The following TRIM59 variants were observed in gnomAD, a reference collection of about 807,000 sequenced individuals.
TRIM59 encodes the protein tripartite motif containing 59, also known as tripartite motif-containing protein 59.
A neutral mutation model predicts 32.2 loss-of-function variants in TRIM59; 14 were observed. The ratio of observed to expected loss-of-function variants is 0.43; its 90% CI spans 0.29 to 0.68. TRIM59 has a LOEUF of 0.68. TRIM59 is among the 30% of genes least tolerant of loss of function. The probability of loss-of-function intolerance (pLI) is 0.15; values close to 1 mark genes in which losing one functional copy is unlikely to be tolerated. For missense variants in TRIM59, 471 were observed against 463.3 expected, an observed-to-expected ratio of 1.02 and a Z score of -0.15; for synonymous variants, 163 against 155.1, an observed-to-expected ratio of 1.05 and a Z score of -0.38.
chr3:160,440,631 G>A (rs138487956), intron 2 of TRIM59, among the ~76,000 whole-genome samples: 2 of 152,128 alleles, frequency 1.3e-5, no homozygotes, highest in Non-Finnish European at 2.9e-5. Flanking sequence ...AAGTGCCATG[G>A]CCAGGCGCAG....
chr3:160,437,758 T>C lies in TRIM59; in HGVS notation c.*214A>G. 8.2e-7 allele frequency: 1 copy of C among 1,218,714 alleles called. No individual in the cohort carries two copies. Among genetic ancestry groups the C allele is most frequent in the Non-Finnish European group, 1.0e-6 (1 of 980,034 alleles). 75.5% of individuals were successfully genotyped at this position (1,218,714 alleles called of 1,614,324 possible). On this transcript the variant is annotated 3_prime_UTR_variant, in exon 3 of 3. Transcript: ENST00000309784. ...TAAAAATGGGATAGTGTATTACTTTTCAAATTGTTACTAGATTCTGTTTCC... is the reference window on the plus strand; with the variant it reads ...TAAAAATGGGATAGTGTATTACTTTCCAAATTGTTACTAGATTCTGTTTCC...
Position 160,438,699 on chromosome 3 carries a change from T to C in TRIM59, c.485A>G (p.His162Arg), listed in dbSNP as rs1418016339. 3.7e-6 allele frequency: 6 copies of C among 1,613,474 alleles called. No individual in the cohort carries two copies. Among genetic ancestry groups the C allele is most frequent in the Non-Finnish European group, 5.1e-6 (6 of 1,179,852 alleles). ...LTDTHWTDLTHLIEKLKEQKS... is the reference protein window; with the variant it reads ...LTDTHWTDLTRLIEKLKEQKS... ...TTGTTCTTTCAGCTTTTCAATAAGA[T>C]GGGTAAGATCTGTCCAGTGTGTGTC... Residue 162 changes from histidine (H) to arginine (R), a missense_variant, in exon 3 of 3, where the codon CAT becomes CGT. By Grantham distance (29) the His-to-Arg change is conservative (BLOSUM62 0). Coordinates refer to ENST00000309784, the MANE Select transcript of TRIM59 (RefSeq NM_173084.3).
In TRIM59 at chr3:160,443,340, C is replaced by T. The variant is rs566349866; in HGVS notation, c.-3-4154G>A. On this transcript the variant is annotated intron_variant, in intron 2 of 2. Coordinates refer to ENST00000309784, the MANE Select transcript of TRIM59 (RefSeq NM_173084.3). ...CCAAACAGTAAAAACATCAGTAACA[C>T]TGGAAACAATAAGACAATGGAGTAA... 2.6e-5 allele frequency among the ~76,000 whole-genome samples: 4 copies of T among 152,076 alleles called. No homozygotes were observed. In the East Asian group the frequency reaches 7.7e-4, roughly 29 times the overall value.
Position 160,437,727 on chromosome 3 carries a change from A to C in TRIM59, c.*245T>G, listed in dbSNP as rs918172845. Reference sequence around the variant, plus strand: ...AGCAACATTATGTCAACCATCATAAAGCCAATAAAAATGGGATAGTGTATT... The same window carrying C: ...AGCAACATTATGTCAACCATCATAACGCCAATAAAAATGGGATAGTGTATT... On this transcript the variant is annotated 3_prime_UTR_variant, in exon 3 of 3. Transcript: ENST00000309784. 8.8e-7 allele frequency: 1 copy of C among 1,141,462 alleles called. No homozygotes were observed. Among genetic ancestry groups the C allele is most frequent in the Non-Finnish European group, 1.1e-6 (1 of 931,974 alleles). The allele number at this position is 1,141,462 out of a possible 1,614,324, so 70.7% of individuals were successfully genotyped here. A position where few individuals can be genotyped will look rare whatever the true frequency, so the allele number is the denominator to read the frequency against.
intron 2 of TRIM59, among the ~76,000 whole-genome samples, chr3:160,446,878 G>T (rs1236050329): frequency 6.6e-6 from 1 of 152,154 alleles, no homozygotes; most frequent in African/African-American, 2.4e-5. Context: ...ATGATGTGCG[G>T]TAGAACAGTT....
At position 160,438,608 on chromosome 3, in the gene TRIM59, A is replaced by G. The variant is rs1719096135; in HGVS notation, c.576T>C (p.Leu192=). The G allele has an allele frequency of 2.5e-6, 4 of 1,612,100 alleles. No homozygotes were observed. The highest frequency in any genetic ancestry group is 3.4e-6 in the Non-Finnish European group (4 of 1,179,546). ...KEAVLQYFKE[L]NDTLEQKKKS... ...TTTTTTTCTGTTCTAATGTATCATT[A>G]AGCTCCTTAAAATACTGGAGAACAG... Residue 192 remains leucine, a synonymous_variant, in exon 3 of 3, where the codon CTT becomes CTC. Transcript: ENST00000309784.
intron 2 of TRIM59, among the ~76,000 whole-genome samples, chr3:160,446,955 T>C (rs1454876200): frequency 4.8e-5 from 7 of 146,802 alleles, no homozygotes; most frequent in African/African-American, 1.8e-4. Context: ...ACAAGACCGG[T>C]CCCTGGTGCC....
intron 2 of TRIM59, among the ~76,000 whole-genome samples, chr3:160,440,065 T>C (rs1036012981): frequency 5.9e-5 from 9 of 152,240 alleles, no homozygotes; most frequent in African/African-American, 2.2e-4. Context: ...AGCTATCAAA[T>C]TTCTCCACAG....
At chr3:160,441,753 C>CAA (rs538957200) in intron 2 of TRIM59, among the ~76,000 whole-genome samples, 30 of 49,974 alleles carry the variant, frequency 6.0e-4, no homozygotes, top group South Asian at 2.2e-3. Flanking sequence ...GACTCCATCT[C>CAA]AAAAAAAAAA....
In TRIM59 at chr3:160,435,906, G is replaced by C. The variant is rs1188834938; in HGVS notation, c.*2066C>G. On this transcript the variant is annotated 3_prime_UTR_variant, in exon 3 of 3. Coordinates refer to ENST00000309784, the MANE Select transcript of TRIM59 (RefSeq NM_173084.3). ...CAGTTCCCTCATCTACAAAAAGGGG[G>C]TTAAAAATATTCACATCACAGAAAT... 3.9e-6 allele frequency: 5 copies of C among 1,267,290 alleles called. No homozygotes were observed. The highest frequency in any genetic ancestry group is 4.1e-6 in the Non-Finnish European group (4 of 969,294). 78.5% of individuals were successfully genotyped at this position (1,267,290 alleles called of 1,614,324 possible). A position where few individuals can be genotyped will look rare whatever the true frequency, so the allele number is the denominator to read the frequency against.
intron 2 of TRIM59, among the ~76,000 whole-genome samples, chr3:160,443,030 G>A (rs528438258): frequency 6.6e-6 from 1 of 152,168 alleles, no homozygotes; most frequent in East Asian, 1.9e-4. Context: ...GAGGCAGGAG[G>A]ATCACTTGAG....
At chr3:160,443,011 C>T (rs998854886) in intron 2 of TRIM59, among the ~76,000 whole-genome samples, 14 of 152,110 alleles carry the variant, frequency 9.2e-5, no homozygotes, top group Middle Eastern at 3.2e-3. Flanking sequence ...CCCAGCTACG[C>T]GGGGAGCTGA....
chr3:160,447,517 T>C (rs1376971801), intron 2 of TRIM59, among the ~76,000 whole-genome samples: 1 of 152,242 alleles, frequency 6.6e-6, no homozygotes, highest in Non-Finnish European at 1.5e-5. Flanking sequence ...GCCAATTCAC[T>C]AGTGAGCCTC....
intron 2 of TRIM59, among the ~76,000 whole-genome samples, chr3:160,441,698 G>A (rs570380118): frequency 8.9e-5 from 13 of 146,296 alleles, no homozygotes; most frequent in African/African-American, 3.1e-4. Context: ...AGCTTGCAGT[G>A]AGCCAAGTTC....
At position 160,437,979 on chromosome 3, in the gene TRIM59, G is replaced by T; in HGVS notation, c.1205C>A (p.Ser402Tyr). 1 of 1,539,792 alleles carries T rather than the reference G, an allele frequency of 6.5e-7. No homozygotes were observed. Among genetic ancestry groups the T allele is most frequent in the South Asian group, 1.3e-5 (1 of 76,556 alleles). The stretch of plus-strand genomic sequence containing the variant: ...CAATTCAGGTTGACATTTTCAATGG[G>T]AAACTATTTTCCACACAAATTCCTT... ...LLKEFVWKIVSH is the reference protein window; with the variant it reads ...LLKEFVWKIVYH The change falls in exon 3 of 3, where the codon TCC becomes TAC. Residue 402 changes from serine to tyrosine, a missense_variant. By Grantham distance (144) the Ser-to-Tyr change is moderately radical. Transcript: ENST00000309784.
chr3:160,445,089 T>TAA (rs576630976), intron 2 of TRIM59, among the ~76,000 whole-genome samples: 2 of 133,720 alleles, frequency 1.5e-5, no homozygotes, highest in African/African-American at 5.5e-5. Flanking sequence ...ATAATTCAAC[T>TAA]AAAAAAAAAA....
rs746806817 is a variant in TRIM59, at chr3:160,438,499, G to GT, written c.684dup (p.Arg229ThrfsTer6). 1 of 1,612,466 alleles carries GT rather than the reference G, an allele frequency of 6.2e-7. No individual in the cohort carries two copies. The highest frequency in any genetic ancestry group is 8.5e-7 in the Non-Finnish European group (1 of 1,179,636). ...GCCATTAATTCAAGCTGCTGCTCTC[G>GT]TATTTCCTTCATTCTTTCAATTTGT... On this transcript the variant is annotated frameshift_variant, in exon 3 of 3. Transcript: ENST00000309784. LOFTEE classifies it high-confidence loss of function.
rs1211788347 is a variant in TRIM59 at position 160,448,801 on chromosome 3, A to G, written c.-73-6T>C. The G allele has an allele frequency of 3.9e-5, 48 of 1,232,118 alleles. No individual in the cohort carries two copies. The highest frequency in any genetic ancestry group is 4.7e-5 in the Non-Finnish European group (45 of 951,916). 76.3% of individuals were successfully genotyped at this position (1,232,118 alleles called of 1,614,324 possible). A position where few individuals can be genotyped will look rare whatever the true frequency, so the allele number is the denominator to read the frequency against. The stretch of plus-strand genomic sequence containing the variant: ...CAGAATCTTTTATTCTTATTCTAAA[A>G]TTAAAATAATGTTATCTTTAATGTT... On this transcript the variant is annotated splice_region_variant and splice_polypyrimidine_tract_variant and intron_variant, in intron 1 of 2. Transcript: ENST00000309784.
rs1046885648 is a variant in TRIM59 at position 160,438,957 on chromosome 3, T to C, written c.227A>G (p.Asn76Ser). 6.2e-7 allele frequency: 1 copy of C among 1,614,092 alleles called. No homozygotes were observed. Among genetic ancestry groups the C allele is most frequent in the Non-Finnish European group, 8.5e-7 (1 of 1,179,988 alleles). Residue 76 changes from asparagine to serine, a missense_variant, in exon 3 of 3, where the codon AAT becomes AGT. Coordinates refer to ENST00000309784, the MANE Select transcript of TRIM59 (RefSeq NM_173084.3). ...APTGIESLPV[N>S]FALRAIIEKY... ...TTCAATAATAGCCCTTAGTGCAAAA[T>C]TAACAGGTAAAGATTCAATGCCAGT... is the stretch of plus-strand genomic sequence containing the variant.
Sources: allele counts gnomAD v4.1 joint callset (sites outside exome capture counted in the v4.1 genomes callset), GRCh38; gene constraint gnomAD v4.1.1; transcripts MANE v1.5; gene names NCBI Gene and HGNC (gene_info 2026-07-23, HGNC 2026-07-21).